Variants in CEP112 observed in about 807,000 individuals in gnomAD.
CEP112 encodes the protein centrosomal protein 112, also known as centrosomal protein of 112 kDa.
In CEP112, 127 loss-of-function variants were observed where a neutral mutation model predicts 153.0. That is an observed-to-expected ratio of 0.83 (90% CI 0.72 to 0.96). The LOEUF is 0.96. CEP112 is among the 40% of genes least tolerant of loss of function. The pLI, the probability that CEP112 is intolerant of heterozygous loss-of-function variation, is 0.00. For synonymous variants in CEP112, 358 were observed against 374.4 expected, an observed-to-expected ratio of 0.96 and a Z score of 0.51; for missense variants, 1,089 against 1,101.2, an observed-to-expected ratio of 0.99 and a Z score of 0.16.
At chr17:66,184,388 G>A (rs12452245) in intron 1 of CEP112, among the ~76,000 whole-genome samples, 26,897 of 152,078 alleles carry the variant, frequency 0.18, 2,595 homozygotes, top group Non-Finnish European at 0.22. Flanking sequence ...CATCTCATAC[G>A]AGACTTGTAT....
At chr17:65,909,201 G>A (rs564866478) in intron 19 of CEP112, among the ~76,000 whole-genome samples, 22 of 152,270 alleles carry the variant, frequency 1.4e-4, no homozygotes, top group Admixed American at 8.5e-4. Context: ...ATTGAAAAGG[G>A]GAAATGATGG....
chr17:65,658,219 G>C (rs2046158109), intron 24 of CEP112, among the ~76,000 whole-genome samples: 1 of 152,200 alleles, frequency 6.6e-6, no homozygotes, highest in African/African-American at 2.4e-5. Flanking sequence ...CCTGTACTGT[G>C]CCCATTTATT....
chr17:65,891,844 G>A (rs1012556891), intron 20 of CEP112, among the ~76,000 whole-genome samples: 3 of 152,154 alleles, frequency 2.0e-5, no homozygotes, highest in African/African-American at 7.2e-5. Context: ...TGCACCAATT[G>A]TTGCCTCAGT....
At chr17:66,145,893 T>C (rs1185713773) in intron 4 of CEP112, among the ~76,000 whole-genome samples, 1 of 152,076 alleles carries the variant, frequency 6.6e-6, no homozygotes, top group Non-Finnish European at 1.5e-5. Context: ...TTATATGCTT[T>C]TTCTGTATCT....
intron 16 of CEP112, among the ~76,000 whole-genome samples, chr17:66,006,325 C>T (rs1339312261): frequency 3.3e-5 from 5 of 151,986 alleles, no homozygotes; most frequent in Admixed American, 1.3e-4. Context: ...AATTTGTCTT[C>T]GGCTGGGCAC....
At chr17:65,743,762 T>A (rs990566038) in intron 22 of CEP112, among the ~76,000 whole-genome samples, 7 of 151,960 alleles carry the variant, frequency 4.6e-5, no homozygotes, top group South Asian at 2.1e-4. Flanking sequence ...TTTTTTTTTT[T>A]AATTTTAATT....
At chr17:65,667,005 G>A (rs2046727375) in intron 24 of CEP112, among the ~76,000 whole-genome samples, 1 of 152,154 alleles carries the variant, frequency 6.6e-6, no homozygotes, top group Admixed American at 6.6e-5. Flanking sequence ...AGTCAGAGGA[G>A]TATTTGAAAA....
chr17:65,823,188 T>G (rs956401650), intron 21 of CEP112, among the ~76,000 whole-genome samples: 2 of 152,120 alleles, frequency 1.3e-5, no homozygotes, highest in African/African-American at 4.8e-5. Flanking sequence ...GAATTCATTA[T>G]GCTGATTCTA....
intron 21 of CEP112, among the ~76,000 whole-genome samples, chr17:65,829,918 T>C (rs2057008758): frequency 6.6e-6 from 1 of 152,238 alleles, no homozygotes; most frequent in African/African-American, 2.4e-5. Context: ...AATTAAAATG[T>C]ATAGACACCC....
chr17:66,179,922 C>T (rs1199025570), intron 2 of CEP112, among the ~76,000 whole-genome samples: 1 of 152,060 alleles, frequency 6.6e-6, no homozygotes, highest in East Asian at 1.9e-4. Flanking sequence ...TTATCAAATG[C>T]TTTTCCAGCA....
rs184919853 is a variant in CEP112, at chr17:65,874,124, T to G, written c.2164-22090A>C. ...AGCTTCACAGAGTTATTTGAAATCTTTATAAATATGTAGGTATTGTCATTT... is the reference window on the plus strand; with the variant it reads ...AGCTTCACAGAGTTATTTGAAATCTGTATAAATATGTAGGTATTGTCATTT... On this transcript the variant is annotated intron_variant, in intron 20 of 26. Transcript: ENST00000535342. Among the ~76,000 whole-genome samples, 141 of 152,312 alleles carry G rather than the reference T, an allele frequency of 9.3e-4. 1 individual carries two copies. Among genetic ancestry groups the G allele is most frequent in the South Asian group, 2.1e-3 (10 of 4,832 alleles).
chr17:65,678,480 A>G (rs1009800230), intron 24 of CEP112, among the ~76,000 whole-genome samples: 1 of 152,204 alleles, frequency 6.6e-6, no homozygotes, highest in African/African-American at 2.4e-5. Context: ...AATTTTTAAT[A>G]AGGCTAAAAT....
intron 5 of CEP112, 115 bp from the exon 6 acceptor site, chr17:66,129,938 G>A (rs1319991049): frequency 7.3e-6 from 4 of 548,332 alleles, no homozygotes; most frequent in Admixed American, 3.9e-5. Flanking sequence ...GAAATAAAGA[G>A]GAAGGAAGTA....
rs2050158484 is a variant in CEP112 at position 65,725,993 on chromosome 17, T to C, written c.2607+17075A>G. Among the ~76,000 whole-genome samples, 2 of 152,134 alleles carry C rather than the reference T, an allele frequency of 1.3e-5. 1 individual carries two copies. The highest frequency in any genetic ancestry group is 4.1e-4 in the South Asian group (2 of 4,826). On this transcript the variant is annotated intron_variant, in intron 23 of 26. Transcript: ENST00000535342. ...GATTATATTCTTTAAATCAATGAAG[T>C]CTTTATGTTTGAGCACCCAGTACTG... is the stretch of plus-strand genomic sequence containing the variant.
chr17:66,048,493 G>A (rs1334873473), intron 12 of CEP112, among the ~76,000 whole-genome samples: 4 of 152,278 alleles, frequency 2.6e-5, no homozygotes, highest in Admixed American at 2.0e-4. Flanking sequence ...AACTCCAGAA[G>A]GATTAAGGCC....
At chr17:65,693,282 C>T (rs186016018) in intron 23 of CEP112, among the ~76,000 whole-genome samples, 12 of 152,174 alleles carry the variant, frequency 7.9e-5, no homozygotes, top group African/African-American at 1.9e-4. Flanking sequence ...GCCCCCTGTC[C>T]CCACTGCTCT....
chr17:65,686,197 TA>T (rs1376192870), intron 24 of CEP112, among the ~76,000 whole-genome samples: 2 of 147,432 alleles, frequency 1.4e-5, no homozygotes, highest in Non-Finnish European at 3.0e-5. Context: ...GATTATGAAA[TA>T]TTCAGCTTTA....
chr17:66,009,493 T>C (rs1301936849), intron 16 of CEP112, among the ~76,000 whole-genome samples: 4 of 152,186 alleles, frequency 2.6e-5, no homozygotes, highest in Admixed American at 2.6e-4. Flanking sequence ...TTTTCTCCCA[T>C]TCTGTAGTTT....
chr17:65,868,429 G>T (rs1045483059), intron 20 of CEP112, among the ~76,000 whole-genome samples: 3 of 151,446 alleles, frequency 2.0e-5, no homozygotes, highest in Non-Finnish European at 4.4e-5. Context: ...GAGCCCAGGA[G>T]ATAAAGGTTG....
Sources: allele counts gnomAD v4.1 joint callset (sites outside exome capture counted in the v4.1 genomes callset), GRCh38; gene constraint gnomAD v4.1.1; transcripts MANE v1.5; gene names NCBI Gene and HGNC (gene_info 2026-07-23, HGNC 2026-07-21).